The following GRID2IP variants were observed in gnomAD, a reference collection of about 807,000 sequenced individuals.
The protein encoded by GRID2IP is Grid2 interacting protein.
In GRID2IP, 78 loss-of-function variants were observed where a neutral mutation model predicts 114.3. That is an observed-to-expected ratio of 0.68 (90% CI 0.57 to 0.82). The LOEUF (loss-of-function observed/expected upper bound fraction) is 0.82. Among genes scored for constraint, GRID2IP ranks in the 40% least tolerant of loss-of-function variants. The pLI is 0.00. For missense variants in GRID2IP, 1,727 were observed against 1,678.5 expected, an observed-to-expected ratio of 1.03 and a Z score of -0.51; for synonymous variants, 809 against 724.0, an observed-to-expected ratio of 1.12 and a Z score of -1.89.
chr7:6,532,538 G>A lies in GRID2IP; in HGVS notation c.585-5769C>T, dbSNP rs1779651566. 6.6e-6 allele frequency among the ~76,000 whole-genome samples: 1 copy of A among 152,146 alleles called. No individual in the cohort carries two copies. Among genetic ancestry groups the A allele is most frequent in the Non-Finnish European group, 1.5e-5 (1 of 68,024 alleles). ...CATCACTTTGCTGTGACCCCCCGTG[G>A]CTGTACTTCTTCCTGGAAGCAGCCA... On this transcript the variant is annotated intron_variant, in intron 2 of 21. Transcript: ENST00000457091. This position sits in a 1 kb window ranked among gnomAD's most constrained non-coding sequence, Gnocchi z 4.4.
chr7:6,526,299 C>T lies in GRID2IP; in HGVS notation c.844G>A (p.Val282Ile). ...CCGAAGCTCTTGTTGCCTTTGTAGA[C>T]TCGGACAGTCCTGGGGGAAAAAGAA... The part of the protein sequence containing the change: ...GPGGARRTVR[V>I]YKGNKSFGFT... The change falls in exon 4 of 22, where the codon GTC (valine) becomes ATC (isoleucine). Residue 282 changes from valine (V) to isoleucine (I), a missense_variant. Physicochemically the swap from Val to Ile is conservative, Grantham distance 29. Transcript: ENST00000457091. The surrounding 1 kb of genome is among the most constrained non-coding windows in gnomAD (Gnocchi z 7.6). 6.4e-7 allele frequency: 1 copy of T among 1,551,964 alleles called. No homozygotes were observed. Among genetic ancestry groups the T allele is most frequent in the Non-Finnish European group, 8.7e-7 (1 of 1,147,032 alleles).
chr7:6,549,877 C>G (rs1779944666), intron 1 of GRID2IP, among the ~76,000 whole-genome samples: 1 of 152,004 alleles, frequency 6.6e-6, no homozygotes. Flanking sequence ...GTCATCAGCC[C>G]TCCTCAGCCT....
intron 8 of GRID2IP, among the ~76,000 whole-genome samples, chr7:6,512,233 T>TTTTTC (rs1554275326): frequency 2.4e-5 from 3 of 127,292 alleles, no homozygotes; most frequent in Non-Finnish European, 5.1e-5. Context: ...CTTTTCTTCT[T>TTTTTC]TTTTTTTTTT....
At chr7:6,525,168 G>T (rs901604894) in intron 4 of GRID2IP, among the ~76,000 whole-genome samples, 1 of 151,984 alleles carries the variant, frequency 6.6e-6, no homozygotes, top group African/African-American at 2.4e-5. Flanking sequence ...TTAGCTGGGT[G>T]TGGTGGCAGG....
intron 1 of GRID2IP, among the ~76,000 whole-genome samples, chr7:6,541,629 T>G (rs1002562052): frequency 3.3e-5 from 5 of 152,106 alleles, no homozygotes; most frequent in Admixed American, 6.6e-5. Context: ...GAAAGGAGCA[T>G]GCAAATAGAC....
At position 6,520,239 on chromosome 7, in the gene GRID2IP, C is replaced by T. The variant is rs1779387281; in HGVS notation, c.1268+339G>A. Among the ~76,000 whole-genome samples, 1 of 152,030 alleles carries T rather than the reference C, an allele frequency of 6.6e-6. No homozygotes were observed. The highest frequency in any genetic ancestry group is 1.5e-5 in the Non-Finnish European group (1 of 68,026). On this transcript the variant is annotated intron_variant, in intron 7 of 21. Coordinates refer to ENST00000457091, the MANE Select transcript of GRID2IP (RefSeq NM_001145118.2). The surrounding 1 kb of genome is among the most constrained non-coding windows in gnomAD (Gnocchi z 4.6). ...CCCAGGAGGCGGAGGCTGCAGTGAGCCAAGATCTCATCATTGCACTCCAGC... is the reference window on the plus strand; with the variant it reads ...CCCAGGAGGCGGAGGCTGCAGTGAGTCAAGATCTCATCATTGCACTCCAGC...
At chr7:6,547,540 C>G (rs921152888) in intron 1 of GRID2IP, among the ~76,000 whole-genome samples, 2 of 152,014 alleles carry the variant, frequency 1.3e-5, no homozygotes, top group East Asian at 3.9e-4. Flanking sequence ...AGAGCTAGAC[C>G]CTGTCTCAAA....
At chr7:6,538,892 A>AG (rs1318716627) in intron 2 of GRID2IP, among the ~76,000 whole-genome samples, 1 of 152,026 alleles carries the variant, frequency 6.6e-6, no homozygotes, top group Non-Finnish European at 1.5e-5. Flanking sequence ...GGAAGATGAA[A>AG]GAAAGAGAGA....
chr7:6,525,751 C>T (rs1480571800), intron 4 of GRID2IP, among the ~76,000 whole-genome samples: 1 of 152,140 alleles, frequency 6.6e-6, no homozygotes, highest in Admixed American at 6.6e-5. Flanking sequence ...AGGCAGAGGC[C>T]CTGAGGCCCT....
At chr7:6,527,068 C>T (rs996145324) in intron 2 of GRID2IP, among the ~76,000 whole-genome samples, 1 of 152,116 alleles carries the variant, frequency 6.6e-6, no homozygotes, top group Non-Finnish European at 1.5e-5. Flanking sequence ...CAAAGCCAGT[C>T]CACGGACCCG....
chr7:6,540,886 G>C (rs1215770902), intron 1 of GRID2IP, among the ~76,000 whole-genome samples: 1 of 151,646 alleles, frequency 6.6e-6, no homozygotes, highest in Non-Finnish European at 1.5e-5. Flanking sequence ...GTCTAGGCTG[G>C]AGTGCAGTGG....
At chr7:6,498,557 A>C (rs1583329724) in intron 20 of GRID2IP, among the ~76,000 whole-genome samples, 70 of 115,602 alleles carry the variant, frequency 6.1e-4, no homozygotes, top group Admixed American at 1.2e-3. Flanking sequence ...CCCCTCTGTC[A>C]CTCTCTAGGC....
chr7:6,531,010 A>G (rs981771674), intron 2 of GRID2IP: 2 of 638,250 alleles, frequency 3.1e-6, no homozygotes, highest in East Asian at 6.7e-5. Context: ...CCCGAGGCGG[A>G]TCCGTGGCGC....
intron 1 of GRID2IP, among the ~76,000 whole-genome samples, chr7:6,543,324 G>A (rs1779841089): frequency 6.6e-6 from 1 of 151,896 alleles, no homozygotes; most frequent in African/African-American, 2.4e-5. Context: ...TTGAGCCTGG[G>A]AGGCGGAGGT....
chr7:6,505,615 C>T (rs1177766282), intron 14 of GRID2IP, among the ~76,000 whole-genome samples: 1 of 152,198 alleles, frequency 6.6e-6, no homozygotes, highest in Non-Finnish European at 1.5e-5. Context: ...GCGATCCACC[C>T]ACCTCAGCCT....
At position 6,510,294 on chromosome 7, in the gene GRID2IP, G is replaced by A. The variant is rs1223339892; in HGVS notation, c.1760C>T (p.Ala587Val). The stretch of plus-strand genomic sequence containing the variant: ...GGCTGGAGCCCTACCTGTGGTGACT[G>A]CTGGGCTGGGGCCTGGAGGGGAAGC... ...SRASPPGPSP[A>V]VTTGPRTLSG... Residue 587 changes from alanine to valine, a missense_variant, in exon 11 of 22, where the codon GCA (alanine) becomes GTA (valine). Transcript: ENST00000457091. 25 of 1,542,730 alleles carry A rather than the reference G, an allele frequency of 1.6e-5. No homozygotes were observed. The highest frequency in any genetic ancestry group is 2.2e-5 in the Non-Finnish European group (25 of 1,143,042).
At chr7:6,545,569 C>T (rs527494163) in intron 1 of GRID2IP, among the ~76,000 whole-genome samples, 21 of 152,158 alleles carry the variant, frequency 1.4e-4, no homozygotes, top group Non-Finnish European at 1.5e-4. Context: ...CGGGAAGCTT[C>T]GAGGGTTTCC....
chr7:6,547,200 G>A (rs575370944), intron 1 of GRID2IP, among the ~76,000 whole-genome samples: 1 of 152,270 alleles, frequency 6.6e-6, no homozygotes, highest in Admixed American at 6.5e-5. Flanking sequence ...ACCCCCTAGA[G>A]GACTCTGTGG....
At chr7:6,550,655 A>AT (rs1331277649) in intron 1 of GRID2IP, among the ~76,000 whole-genome samples, 15 of 109,642 alleles carry the variant, frequency 1.4e-4, no homozygotes, top group African/African-American at 5.4e-4. Flanking sequence ...TACTAAAAAT[A>AT]CCAAAAAAAA....
Sources: gnomAD v4.1 joint callset for allele counts (sites outside exome capture counted in the v4.1 genomes callset) on GRCh38, gnomAD v4.1.1 for gene constraint, Gnocchi (gnomAD v3.1) non-coding constraint, MANE v1.5 for transcripts, NCBI Gene and HGNC (gene_info 2026-07-23, HGNC 2026-07-21) for gene names.